THOC2: variants seen among roughly 807,000 people sequenced by gnomAD.
The protein encoded by THOC2 is THO complex subunit 2.
Under a neutral mutation model 128.4 loss-of-function variants are expected in THOC2, and 10 were observed. That is an observed-to-expected ratio of 0.08 (90% CI 0.05 to 0.13). The LOEUF is 0.13. Among genes scored for constraint, THOC2 ranks in the 10% least tolerant of loss-of-function variants. The pLI is 1.00. For missense variants in THOC2, 535 were observed against 1,155.7 expected, an observed-to-expected ratio of 0.46 and a Z score of 7.79; for synonymous variants, 393 against 396.9, an observed-to-expected ratio of 0.99 and a Z score of 0.12.
intron 33 of THOC2, 60 bp downstream of exon 33, chrX:123,619,341 A>C (rs2047005054): frequency 3.8e-6 from 3 of 779,413 alleles, no homozygotes; most frequent in Non-Finnish European, 3.8e-6. Flanking sequence ...ACATCTACTA[A>C]ATAAAATAAG....
intron 6 of THOC2, among the ~76,000 whole-genome samples, chrX:123,696,453 C>G (rs1255891219): frequency 9.0e-6 from 1 of 111,312 alleles, no homozygotes; most frequent in Non-Finnish European, 1.9e-5. Flanking sequence ...AGTATAGCCA[C>G]AGTCATAAAT....
At chrX:123,644,725 G>T in intron 14 of THOC2, 49 bp from the exon 15 acceptor site, 1 of 1,160,284 alleles carries the variant, frequency 8.6e-7, no homozygotes, top group Non-Finnish European at 1.2e-6. Flanking sequence ...ACACTTAGAG[G>T]TTAATATACT....
At chrX:123,629,192 ATATAT>A (rs1290459205) in intron 22 of THOC2, among the ~76,000 whole-genome samples, 1 of 88,055 alleles carries the variant, frequency 1.1e-5, no homozygotes, top group Non-Finnish European at 2.2e-5. Flanking sequence ...ATATGAACAT[ATATAT>A]TATACATGAA....
At chrX:123,693,627 T>G in intron 7 of THOC2, among the ~76,000 whole-genome samples, 1 of 111,249 alleles carries the variant, frequency 9.0e-6, no homozygotes, top group Non-Finnish European at 1.9e-5. Flanking sequence ...GAGGAAATAT[T>G]CATTCCTTTT....
At chrX:123,700,619 G>A (rs1452594600) in intron 4 of THOC2, among the ~76,000 whole-genome samples, 4 of 108,767 alleles carry the variant, frequency 3.7e-5, no homozygotes, top group African/African-American at 1.0e-4. Context: ...CCTTGTAACT[G>A]TCAACATTTA....
chrX:123,662,430 C>CA (rs1188111118), intron 12 of THOC2, among the ~76,000 whole-genome samples: 3 of 107,705 alleles, frequency 2.8e-5, no homozygotes, highest in East Asian at 2.9e-4. Context: ...ACTAAAAATA[C>CA]AAAAAAAATT....
intron 8 of THOC2, among the ~76,000 whole-genome samples, chrX:123,672,145 A>G (rs978311656): frequency 1.5e-4 from 17 of 109,717 alleles, no homozygotes; most frequent in African/African-American, 5.6e-4. Context: ...TTGGTTTTGG[A>G]GGGTTTTTTT....
chrX:123,664,593 C>T (rs1031737592), intron 12 of THOC2, among the ~76,000 whole-genome samples: 1 of 112,226 alleles, frequency 8.9e-6, no homozygotes, highest in Non-Finnish European at 1.9e-5. Context: ...AGCCAACAGA[C>T]ACATGAAAAA....
rs185627411 is a variant in THOC2 at position 123,669,140 on chromosome X, A to G, written c.862-826T>C. Among the ~76,000 whole-genome samples the G allele has an allele frequency of 2.3e-3, 246 of 107,979 alleles. 1 individual carries two copies. The highest frequency in any genetic ancestry group is 7.9e-3 in the African/African-American group (234 of 29,556). The allele number at this position is 107,979 out of a possible 115,157, so 93.8% of individuals were successfully genotyped here. On this transcript the variant is annotated intron_variant, in intron 9 of 38. Coordinates refer to ENST00000245838, the MANE Select transcript of THOC2 (RefSeq NM_001081550.2). ...AAATAATAATGAACTATTAAACATT[A>G]TAGATTTCATTCCATTTATCAAAAA...
In THOC2 at chrX:123,705,981, G is replaced by A. The variant is rs746303220; in HGVS notation, c.222+877C>T. 1.5e-3 allele frequency among the ~76,000 whole-genome samples: 166 copies of A among 110,953 alleles called. 1 individual carries two copies. The highest frequency in any genetic ancestry group is 5.2e-3 in the African/African-American group (159 of 30,655). ...CAGCTTAATAATAAAAGAACAGCAC[G>A]CCACTTGTAAAACCTCAAGCTTAAC... On this transcript the variant is annotated intron_variant, in intron 3 of 38. Transcript: ENST00000245838.
chrX:123,632,348 GGT>G (rs1262999958), intron 21 of THOC2, among the ~76,000 whole-genome samples: 1 of 109,249 alleles, frequency 9.2e-6, no homozygotes, highest in African/African-American at 3.3e-5. Context: ...AAATTAGCCA[GGT>G]GTGGTGGTGC....
At chrX:123,714,718 A>G (rs1263493967) in intron 1 of THOC2, among the ~76,000 whole-genome samples, 4 of 112,224 alleles carry the variant, frequency 3.6e-5, no homozygotes, top group Non-Finnish European at 7.5e-5. Flanking sequence ...CTAACATGTG[A>G]TCTAACATTC....
intron 8 of THOC2, among the ~76,000 whole-genome samples, chrX:123,678,083 C>T (rs900609291): frequency 1.4e-4 from 15 of 109,748 alleles, no homozygotes; most frequent in African/African-American, 4.6e-4. Flanking sequence ...TTCTGGAATA[C>T]CTCCTGAAGG....
intron 12 of THOC2, among the ~76,000 whole-genome samples, chrX:123,652,643 G>A (rs1448292503): frequency 9.0e-6 from 1 of 110,858 alleles, no homozygotes; most frequent in East Asian, 2.8e-4. Flanking sequence ...CAATAATAGA[G>A]AGCCAAATCA....
chrX:123,638,725 C>T (rs767610424), intron 17 of THOC2, among the ~76,000 whole-genome samples: 6 of 100,486 alleles, frequency 6.0e-5, no homozygotes, highest in African/African-American at 2.0e-4. Context: ...AAGACACACA[C>T]GTACACACAC....
At chrX:123,707,336 A>C (rs1322780440) in intron 2 of THOC2, among the ~76,000 whole-genome samples, 1 of 111,699 alleles carries the variant, frequency 9.0e-6, no homozygotes, top group Non-Finnish European at 1.9e-5. Flanking sequence ...GTGGATTCAA[A>C]CCAATCATTC....
At chrX:123,644,080 T>C (rs1357335502) in intron 15 of THOC2, among the ~76,000 whole-genome samples, 1 of 112,418 alleles carries the variant, frequency 8.9e-6, no homozygotes, top group Non-Finnish European at 1.9e-5. Flanking sequence ...TTTAATGATA[T>C]GAAAATAAAA....
At chrX:123,639,634 T>C (rs934710519) in intron 16 of THOC2, among the ~76,000 whole-genome samples, 1 of 111,154 alleles carries the variant, frequency 9.0e-6, no homozygotes, top group African/African-American at 3.3e-5. Context: ...GACATAAAGA[T>C]AGAAAGACAC....
chrX:123,613,207 C>T (rs149057996), intron 36 of THOC2, among the ~76,000 whole-genome samples, 192 bp downstream of exon 36: 235 of 110,796 alleles, frequency 2.1e-3, no homozygotes, highest in African/African-American at 7.4e-3. Flanking sequence ...ACTAACTCTA[C>T]CCTCCTGGTA....
Sources: gnomAD v4.1 joint callset for allele counts (sites outside exome capture counted in the v4.1 genomes callset) on GRCh38, gnomAD v4.1.1 for gene constraint, MANE v1.5 for transcripts, NCBI Gene and HGNC (gene_info 2026-07-23, HGNC 2026-07-21) for gene names.